Variants in DPP6 observed in about 807,000 individuals in gnomAD.
The protein encoded by DPP6 is dipeptidyl peptidase like 6, also known as A-type potassium channel modulatory protein DPP6.
DPP6 carries 69 observed loss-of-function variants against 122.6 expected under a neutral mutation model. The observed-to-expected ratio is 0.56, with a 90% CI of 0.46 to 0.69. The LOEUF is 0.69. Among genes scored for constraint, DPP6 ranks in the 30% least tolerant of loss-of-function variants. DPP6 has a pLI of 0.00. For missense variants in DPP6, 928 were observed against 1,116.9 expected, an observed-to-expected ratio of 0.83 and a Z score of 2.41; for synonymous variants, 418 against 433.1, an observed-to-expected ratio of 0.97 and a Z score of 0.43.
At chr7:154,251,169 A>G (rs950264268) in intron 1 of DPP6, among the ~76,000 whole-genome samples, 1 of 152,236 alleles carries the variant, frequency 6.6e-6, no homozygotes, top group African/African-American at 2.4e-5. Context: ...TTAGAGACTT[A>G]TAGCAGCCTG....
At chr7:153,881,675 C>G in the DPP6 span, among the ~76,000 whole-genome samples, 1 of 152,120 alleles carries the variant, frequency 6.6e-6, no homozygotes, top group Non-Finnish European at 1.5e-5. Flanking sequence ...TCACATGGCT[C>G]TCACTGCTGG....
chr7:154,351,026 T>TGGAAAATTTGAGGTTTC, intron 1 of DPP6, among the ~76,000 whole-genome samples: 1 of 152,126 alleles, frequency 6.6e-6, no homozygotes, highest in Non-Finnish European at 1.5e-5. Flanking sequence ...TATCTCCAAA[T>TGGAAAATTTGAGGTTTC]GGAAAATTTG....
At chr7:154,496,971 A>T (rs1824796076) in intron 3 of DPP6, among the ~76,000 whole-genome samples, 4 of 152,108 alleles carry the variant, frequency 2.6e-5, no homozygotes, top group Admixed American at 2.6e-4. Context: ...TCATCCATTC[A>T]CTCATGCAGC....
intron 1 of DPP6, among the ~76,000 whole-genome samples, chr7:154,080,157 CAA>C (rs888604732): frequency 1.4e-4 from 21 of 151,982 alleles, no homozygotes; most frequent in Admixed American, 1.3e-3. Context: ...CAAGGGAAGT[CAA>C]GAGGACCCAC....
intron 1 of DPP6, among the ~76,000 whole-genome samples, chr7:153,972,306 G>C (rs1796062305): frequency 6.6e-6 from 1 of 150,866 alleles, no homozygotes; most frequent in South Asian, 2.1e-4. Flanking sequence ...GTTGACCTGG[G>C]GAGTGTCTAG....
intron 1 of DPP6, chr7:154,058,465 AC>A (rs1199295473): frequency 9.0e-6 from 1 of 110,698 alleles, no homozygotes; most frequent in African/African-American, 3.6e-5. Context: ...GGCTGTTGGT[AC>A]CCCCATCGTA....
chr7:153,861,236 T>C, the DPP6 span, among the ~76,000 whole-genome samples: 1 of 152,324 alleles, frequency 6.6e-6, no homozygotes, highest in Non-Finnish European at 1.5e-5. Context: ...CATAAACATA[T>C]TTATAATTTA....
intron 19 of DPP6, among the ~76,000 whole-genome samples, chr7:154,874,073 ATACACATG>A (rs1035777043): frequency 2.0e-5 from 3 of 151,004 alleles, no homozygotes; most frequent in East Asian, 2.0e-4. Context: ...GTATGTGTAT[ATACACATG>A]CACACATGCA....
chr7:154,453,540 A>C (rs1473512102), intron 2 of DPP6, among the ~76,000 whole-genome samples: 1 of 149,368 alleles, frequency 6.7e-6, no homozygotes, highest in African/African-American at 2.4e-5. Context: ...ATTTAACATA[A>C]ATATTATATA....
chr7:154,832,902 C>T (rs867885188), intron 16 of DPP6, among the ~76,000 whole-genome samples: 22 of 152,358 alleles, frequency 1.4e-4, no homozygotes, highest in Middle Eastern at 6.8e-3. Context: ...CCACAACTGA[C>T]AATGTCAAGA....
In DPP6 at chr7:154,574,600, T is replaced by G. The variant is rs1408968172; in HGVS notation, c.627+7684T>G. 8.2e-3 allele frequency among the ~76,000 whole-genome samples: 1,042 copies of G among 126,650 alleles called. 17 individuals are homozygous for G. Among genetic ancestry groups the G allele is most frequent in the African/African-American group, 0.029 (970 of 33,592 alleles). The allele number at this position is 126,650 out of a possible 152,430, so 83.1% of individuals were successfully genotyped here. ...GTGTGTGTGTATGTGTGTGGGAGTG[T>G]ATGTGAGTTTGGGGTGTATGTGTGT... On this transcript the variant is annotated intron_variant, in intron 5 of 25. Transcript: ENST00000377770.
At chr7:154,270,324 A>G (rs1409199148) in intron 1 of DPP6, among the ~76,000 whole-genome samples, 1 of 152,252 alleles carries the variant, frequency 6.6e-6, no homozygotes, top group Non-Finnish European at 1.5e-5. Flanking sequence ...TTTAGAAAAT[A>G]TGATCATTAC....
chr7:154,487,590 A>G (rs530083380), intron 3 of DPP6, among the ~76,000 whole-genome samples: 2 of 152,294 alleles, frequency 1.3e-5, no homozygotes, highest in South Asian at 2.1e-4. Context: ...GTGAATCCCA[A>G]TGCACTGTAG....
intron 7 of DPP6, among the ~76,000 whole-genome samples, chr7:154,713,041 A>G (rs1586938862): frequency 7.2e-5 from 11 of 152,248 alleles, no homozygotes. Flanking sequence ...TTGGGTAAAT[A>G]TACCCATTCC....
At chr7:154,567,077 A>C (rs1456221513) in intron 5 of DPP6, 161 bp downstream of exon 5, 1 of 169,732 alleles carries the variant, frequency 5.9e-6, no homozygotes, top group Non-Finnish European at 1.2e-5. Flanking sequence ...CACCTAGGAG[A>C]GAGGAAAGGT....
At chr7:154,122,068 G>A (rs1399665673) in intron 1 of DPP6, among the ~76,000 whole-genome samples, 4 of 152,184 alleles carry the variant, frequency 2.6e-5, no homozygotes, top group African/African-American at 9.7e-5. Flanking sequence ...GTACAATTGA[G>A]AAATTTGCAT....
At chr7:154,011,842 C>A (rs1194252545) in intron 1 of DPP6, among the ~76,000 whole-genome samples, 3 of 152,066 alleles carry the variant, frequency 2.0e-5, no homozygotes, top group Non-Finnish European at 4.4e-5. Flanking sequence ...ATTTCACAGA[C>A]GAGAAAATGA....
At chr7:154,701,182 G>A (rs1840504496) in intron 7 of DPP6, among the ~76,000 whole-genome samples, 5 of 152,060 alleles carry the variant, frequency 3.3e-5, no homozygotes, top group African/African-American at 1.2e-4. Context: ...CTCTAGAGTC[G>A]AGGAACCAGC....
At chr7:154,193,211 T>G (rs1040605226) in intron 1 of DPP6, among the ~76,000 whole-genome samples, 3 of 152,234 alleles carry the variant, frequency 2.0e-5, no homozygotes, top group African/African-American at 2.4e-5. Flanking sequence ...CATTAGACTT[T>G]TAGATTTTCT....
Sources: gnomAD v4.1 joint callset for allele counts (sites outside exome capture counted in the v4.1 genomes callset) on GRCh38, gnomAD v4.1.1 for gene constraint, MANE v1.5 for transcripts, NCBI Gene and HGNC (gene_info 2026-07-23, HGNC 2026-07-21) for gene names.